Variants in TAMM41 observed in about 807,000 individuals in gnomAD.
TAMM41 encodes the protein phosphatidate cytidylyltransferase, mitochondrial.
A neutral mutation model predicts 44.1 loss-of-function variants in TAMM41; 36 were observed. The ratio of observed to expected loss-of-function variants is 0.82; its 90% CI spans 0.63 to 1.08. The LOEUF is 1.08. Ranked by LOEUF, TAMM41 falls within the 50% of genes least tolerant of loss-of-function variation. The pLI is 0.00. For synonymous variants in TAMM41, 164 were observed against 153.1 expected (o/e 1.07, Z -0.53); for missense variants, 417 against 404.3 (o/e 1.03, Z -0.27).
At chr3:11,755,882 TCCTGCCTGCTGTCTGTTCGTCC>T in the TAMM41 span, among the ~76,000 whole-genome samples, 1 of 152,358 alleles carries the variant, frequency 6.6e-6, no homozygotes, top group East Asian at 1.9e-4. Context: ...CTGAGCTTTC[TCCTGCCTGCTGTCTGTTCGTCC>T]CCTGACTGAT....
the TAMM41 span, among the ~76,000 whole-genome samples, chr3:11,772,752 A>C: frequency 6.6e-6 from 1 of 152,134 alleles, no homozygotes; most frequent in South Asian, 2.1e-4. Context: ...AATGTTTTTC[A>C]TAGAGTTGTC....
intron 7 of TAMM41, 120 bp from the exon 8 acceptor site, chr3:11,790,701 G>A (rs544810472): frequency 3.7e-5 from 29 of 791,868 alleles, no homozygotes; most frequent in Non-Finnish European, 5.3e-5. Flanking sequence ...CTGACCCGTG[G>A]CTCTAGGAGA....
At chr3:11,798,164 A>T (rs935846386) in intron 7 of TAMM41, among the ~76,000 whole-genome samples, 1 of 152,230 alleles carries the variant, frequency 6.6e-6, no homozygotes, top group Non-Finnish European at 1.5e-5. Context: ...ACCCAAAGGA[A>T]TATAATTCAT....
chr3:11,846,389 G>C (rs2079691760), intron 1 of TAMM41, 113 bp downstream of exon 1: 1 of 1,228,300 alleles, frequency 8.1e-7, no homozygotes, highest in East Asian at 2.3e-5. Flanking sequence ...TCTGCTAGTG[G>C]ACACGTGGAG....
At chr3:11,740,934 C>T in the TAMM41 span, among the ~76,000 whole-genome samples, 1 of 146,938 alleles carries the variant, frequency 6.8e-6, no homozygotes, top group Non-Finnish European at 1.5e-5. Context: ...AATATCAGGG[C>T]TCCAGGCCGG....
the TAMM41 span, among the ~76,000 whole-genome samples, chr3:11,776,545 G>A: frequency 6.6e-6 from 1 of 152,188 alleles, no homozygotes; most frequent in Non-Finnish European, 1.5e-5. Context: ...GTAACCTGCT[G>A]TACAGGTTTG....
chr3:11,787,909 C>T (rs941167162), downstream of TAMM41, among the ~76,000 whole-genome samples: 1 of 152,214 alleles, frequency 6.6e-6, no homozygotes, highest in Non-Finnish European at 1.5e-5. Context: ...GAAAGTCTTA[C>T]CTCTCCTCCT....
the TAMM41 span, among the ~76,000 whole-genome samples, chr3:11,747,067 C>T: frequency 0.072 from 10,908 of 152,104 alleles, 540 homozygotes; most frequent in African/African-American, 0.14. Context: ...TGTGGTAGAA[C>T]TTTATTTATT....
At chr3:11,735,502 C>T in the TAMM41 span, among the ~76,000 whole-genome samples, 5 of 151,638 alleles carry the variant, frequency 3.3e-5, no homozygotes, top group South Asian at 8.4e-4. Flanking sequence ...GGTGTGGTGG[C>T]GGGCACCTAT....
chr3:11,791,582 C>T (rs111258548), intron 7 of TAMM41, among the ~76,000 whole-genome samples: 1 of 152,086 alleles, frequency 6.6e-6, no homozygotes, highest in Non-Finnish European at 1.5e-5. Context: ...GTGTAAAGTG[C>T]ACACCCCTGG....
At chr3:11,756,473 A>C in the TAMM41 span, among the ~76,000 whole-genome samples, 156 of 152,312 alleles carry the variant, frequency 1.0e-3, 1 homozygote, top group South Asian at 6.2e-3. Context: ...GGTTTGTTGT[A>C]TTAATCACTA....
chr3:11,782,794 T>C, the TAMM41 span, among the ~76,000 whole-genome samples: 1 of 152,202 alleles, frequency 6.6e-6, no homozygotes. Context: ...GCATGGACTT[T>C]TCTGTGGGTT....
the TAMM41 span, among the ~76,000 whole-genome samples, chr3:11,768,190 G>A: frequency 1.3e-5 from 2 of 151,394 alleles, no homozygotes; most frequent in Non-Finnish European, 2.9e-5. Flanking sequence ...TGGCTGGAGT[G>A]TAGTGGCGTG....
intron 3 of TAMM41, chr3:11,832,867 A>G (rs1424748926): frequency 2.2e-6 from 1 of 462,304 alleles, no homozygotes; most frequent in Non-Finnish European, 2.8e-6. Context: ...GATGCAAAGA[A>G]AAGACTAAGT....
chr3:11,751,480 C>T, the TAMM41 span, among the ~76,000 whole-genome samples: 722 of 152,284 alleles, frequency 4.7e-3, 3 homozygotes, highest in African/African-American at 0.014. Context: ...CCAAATGCCT[C>T]GGGAGGTAAC....
At chr3:11,818,746 A>C (rs4684817) in intron 4 of TAMM41, among the ~76,000 whole-genome samples, 1,907 of 151,688 alleles carry the variant, frequency 0.013, 30 homozygotes, top group African/African-American at 0.044. Flanking sequence ...AAATACAAAA[A>C]AATTAGCCAG....
chr3:11,800,697 T>C (rs758216988), intron 7 of TAMM41, among the ~76,000 whole-genome samples: 5 of 152,078 alleles, frequency 3.3e-5, no homozygotes, highest in South Asian at 2.1e-4. Context: ...AAGAAAGAGA[T>C]AGATAGCAAC....
downstream of TAMM41, among the ~76,000 whole-genome samples, chr3:11,786,750 G>A (rs1184732948): frequency 1.3e-5 from 2 of 152,086 alleles, no homozygotes; most frequent in Non-Finnish European, 2.9e-5. Flanking sequence ...ACAGGTGTGT[G>A]CTACCATATT....
intron 4 of TAMM41, chr3:11,826,786 C>T (rs2078770123): frequency 6.6e-6 from 1 of 152,128 alleles, no homozygotes; most frequent in Admixed American, 6.5e-5. Context: ...GGGAACCATT[C>T]TGGGCCTCAG....
Sources: gnomAD v4.1 joint callset for allele counts (sites outside exome capture counted in the v4.1 genomes callset) on GRCh38, gnomAD v4.1.1 for gene constraint, MANE v1.5 for transcripts, NCBI Gene and HGNC (gene_info 2026-07-23, HGNC 2026-07-21) for gene names.